ZNF444: variants seen among roughly 807,000 people sequenced by gnomAD.
The protein encoded by ZNF444 is zinc finger protein 444, also known as endothelial zinc finger protein 2.
A neutral mutation model predicts 14.4 loss-of-function variants in ZNF444; 8 were observed. That is an observed-to-expected ratio of 0.56 (90% CI 0.33 to 1.00). ZNF444 has a LOEUF of 1.00. Ranked by LOEUF, ZNF444 falls within the 50% of genes least tolerant of loss-of-function variation. The pLI is 0.03. For missense variants in ZNF444, 510 were observed against 504.8 expected (o/e 1.01, Z -0.10); for synonymous variants, 258 against 235.9 (o/e 1.09, Z -0.86).
rs1427489236 is a variant in ZNF444 at position 56,145,926 on chromosome 19, G to A, written c.-196-321G>A. ...GTGCTCCTGCTGGCAGAGATGGACA[G>A]AGTCCCGGTGTCCCTTTCTCTTATA... On this transcript the variant is annotated intron_variant, in intron 1 of 4. Transcript: ENST00000337080. The surrounding 1 kb of genome is among the most constrained non-coding windows in gnomAD (Gnocchi z 4.3). Among the ~76,000 whole-genome samples the A allele has an allele frequency of 6.6e-6, 1 of 152,242 alleles. No individual in the cohort carries two copies. The highest frequency in any genetic ancestry group is 2.4e-5 in the African/African-American group (1 of 41,472).
intron 1 of ZNF444, among the ~76,000 whole-genome samples, chr19:56,134,160 A>T (rs2030559528): frequency 6.6e-6 from 1 of 152,158 alleles, no homozygotes; most frequent in African/African-American, 2.4e-5. Context: ...GCCTCCAGAG[A>T]TGAACCAAAC....
At chr19:56,154,660 C>T (rs1374755817) in intron 3 of ZNF444, 1 of 149,600 alleles carries the variant, frequency 6.7e-6, no homozygotes, top group African/African-American at 2.5e-5. Context: ...TCTCATGGGA[C>T]CCTCAACAGA....
chr19:56,134,390 C>T (rs1413061201), intron 1 of ZNF444, among the ~76,000 whole-genome samples: 4 of 152,066 alleles, frequency 2.6e-5, no homozygotes, highest in African/African-American at 9.7e-5. Context: ...ACAGGCAGGC[C>T]CCAAGCCAGG....
Position 56,159,913 on chromosome 19 carries a change from C to T in ZNF444, c.696C>T (p.Ser232=), listed in dbSNP as rs1278461777. The change falls in exon 5 of 5, where the codon AGC becomes AGT. Residue 232 remains serine, a synonymous_variant. Coordinates refer to ENST00000337080, the MANE Select transcript of ZNF444 (RefSeq NM_018337.4). ...LRRHRDTHPG[S]PGSPGPALRP... is the part of the protein sequence containing the mutation. Reference sequence around the variant, plus strand: ...GCCACCGCGACACGCACCCCGGCAGCCCCGGCAGCCCCGGGCCCGCGCTGC... The same window carrying T: ...GCCACCGCGACACGCACCCCGGCAGTCCCGGCAGCCCCGGGCCCGCGCTGC... 1.3e-6 allele frequency: 2 copies of T among 1,491,214 alleles called. No homozygotes were observed. The highest frequency in any genetic ancestry group is 2.2e-5 in the Admixed American group (1 of 44,718). The allele number at this position is 1,491,214 out of a possible 1,614,324, so 92.4% of individuals were successfully genotyped here. A position where few individuals can be genotyped will look rare whatever the true frequency, so the allele number is the denominator to read the frequency against.
Position 56,147,361 on chromosome 19 carries a change from G to T in ZNF444, c.297+153G>T, listed in dbSNP as rs1315866606. 2.6e-5 allele frequency among the ~76,000 whole-genome samples: 4 copies of T among 152,128 alleles called. No individual in the cohort carries two copies. The highest frequency in any genetic ancestry group is 2.6e-4 in the Admixed American group (4 of 15,270). On this transcript the variant is annotated intron_variant, in intron 3 of 4. Transcript: ENST00000337080. This position sits in a 1 kb window ranked among gnomAD's most constrained non-coding sequence, Gnocchi z 5.9. ...TACAGGCTGCGGTACAGCGTGGAGG[G>T]ACAGTCCACGTGCGGCACCCTCCAT...
rs374446236 is a variant in ZNF444 at position 56,135,149 on chromosome 19, T to C, written c.-197+2371T>C. ...GGGAGGCTGAGGCAGGAGAATGGCA[T>C]GAACCCAGGAGGTGGAGCTTGCTGT... On this transcript the variant is annotated intron_variant, in intron 1 of 2. Coordinates refer to the ZNF444 transcript ENST00000587467. Among the ~76,000 whole-genome samples, 5 of 152,142 alleles carry C rather than the reference T, an allele frequency of 3.3e-5. No homozygotes were observed. The South Asian group carries it at 6.2e-4, about 19-fold the overall frequency.
At position 56,158,611 on chromosome 19, in the gene ZNF444, C is replaced by A; in HGVS notation, c.406+9C>A. The A allele has an allele frequency of 6.3e-7, 1 of 1,596,620 alleles. No individual in the cohort carries two copies. The highest frequency in any genetic ancestry group is 1.7e-5 in the Admixed American group (1 of 57,690). ...TGGGATGATTCCCTTAGGTGAGCTG[C>A]TGGCCTCTCTGGTTCTCCCCGCCAG... On this transcript the variant is annotated intron_variant, in intron 4 of 4. Coordinates refer to ENST00000337080, the MANE Select transcript of ZNF444 (RefSeq NM_018337.4).
chr19:56,157,724 C>T (rs1568563731), intron 3 of ZNF444: 1 of 152,230 alleles, frequency 6.6e-6, no homozygotes, highest in Non-Finnish European at 1.5e-5. Context: ...AATTTTCACA[C>T]CAGTGATTGC....
At chr19:56,159,337 T>C (rs552558931) in intron 4 of ZNF444, among the ~76,000 whole-genome samples, 3 of 150,782 alleles carry the variant, frequency 2.0e-5, no homozygotes, top group African/African-American at 7.3e-5. Context: ...CCATCATCGG[T>C]CCATTCATCA....
At chr19:56,158,348 G>C (rs2032033838) in intron 3 of ZNF444, 146 bp from the exon 4 acceptor site, 1 of 745,110 alleles carries the variant, frequency 1.3e-6, no homozygotes, top group Non-Finnish European at 2.1e-6. Context: ...GGGCCTCTCT[G>C]TGGGGCAGCT....
rs77358344 is a variant in ZNF444 at position 56,150,081 on chromosome 19, C to A, written c.297+2873C>A. The A allele has an allele frequency of 7.4e-3, 1,226 of 165,318 alleles. 9 individuals carry two copies. Among genetic ancestry groups the A allele is most frequent in the African/African-American group, 0.027 (1,116 of 41,638 alleles). 10.2% of individuals were successfully genotyped at this position (165,318 alleles called of 1,614,324 possible). On this transcript the variant is annotated intron_variant, in intron 3 of 4. Coordinates refer to ENST00000337080, the MANE Select transcript of ZNF444 (RefSeq NM_018337.4). ...TGAAGTGGGGGTGGAACAGAACCAA[C>A]GTGGAATCTGTGAGCCTCGGGGTTT...
At chr19:56,135,236 A>G (rs1347405472) in intron 1 of ZNF444, among the ~76,000 whole-genome samples, 1 of 152,128 alleles carries the variant, frequency 6.6e-6, no homozygotes, top group African/African-American at 2.4e-5. Flanking sequence ...GTCTCAAAAA[A>G]AAGAAAAAAA....
intron 4 of ZNF444, among the ~76,000 whole-genome samples, chr19:56,159,302 A>G (rs2032114766): frequency 6.6e-6 from 1 of 150,722 alleles, no homozygotes; most frequent in African/African-American, 2.5e-5. Flanking sequence ...TCATCTACCC[A>G]TCCATCATCT....
chr19:56,138,032 G>A (rs930228629), upstream of ZNF444, among the ~76,000 whole-genome samples: 5 of 151,938 alleles, frequency 3.3e-5, no homozygotes, highest in Non-Finnish European at 5.9e-5. Flanking sequence ...GCTGAGGTAG[G>A]AGAATCGCTT....
At chr19:56,148,958 G>C (rs1164831823) in intron 3 of ZNF444, among the ~76,000 whole-genome samples, 1 of 152,154 alleles carries the variant, frequency 6.6e-6, no homozygotes, top group African/African-American at 2.4e-5. Context: ...CCTAGAGGCT[G>C]CCCGCATTCC....
At position 56,135,929 on chromosome 19, in the gene ZNF444, A is replaced by G. The variant is rs151037585; in HGVS notation, c.-197+3151A>G. Among the ~76,000 whole-genome samples the G allele has an allele frequency of 2.9e-3, 433 of 151,326 alleles. 12 individuals carry two copies. The highest frequency in any genetic ancestry group is 0.025 in the Admixed American group (379 of 15,148). On this transcript the variant is annotated intron_variant, in intron 1 of 2. Coordinates refer to the ZNF444 transcript ENST00000587467. The stretch of plus-strand genomic sequence containing the variant: ...CCCCGTCTCTACTAAAAATACAAAA[A>G]ATATTAGCCGGGTGTGGTGGTGCGT...
At chr19:56,134,847 G>T (rs1225104182) in intron 1 of ZNF444, among the ~76,000 whole-genome samples, 7 of 152,036 alleles carry the variant, frequency 4.6e-5, no homozygotes, top group Admixed American at 4.6e-4. Context: ...TTTCAAGCTG[G>T]GTGTGGTAGC....
chr19:56,141,001 G>A (rs1335862953), upstream of ZNF444: 1 of 152,186 alleles, frequency 6.6e-6, no homozygotes, highest in Non-Finnish European at 1.5e-5. Context: ...GACAGCCCGC[G>A]ACATTTGCGC....
rs765486335 is a variant in ZNF444, at chr19:56,147,040, C to T, written c.129C>T (p.Ala43=). 4 of 1,545,448 alleles carry T rather than the reference C, an allele frequency of 2.6e-6. No individual in the cohort carries two copies. Among genetic ancestry groups the T allele is most frequent in the Admixed American group, 4.0e-5 (2 of 50,288 alleles). The part of the protein sequence containing the change: ...GPREALGLLR[A]LCRDWLRPEV... ...GGGAGGCGCTGGGGCTGCTCCGCGC[C>T]CTGTGCCGGGACTGGCTGCGGCCCG... Residue 43 remains alanine, a synonymous_variant, in exon 3 of 5, where the codon GCC becomes GCT. Transcript: ENST00000337080. The surrounding 1 kb of genome is among the most constrained non-coding windows in gnomAD (Gnocchi z 5.9).
Sources: gnomAD v4.1 joint callset for allele counts (sites outside exome capture counted in the v4.1 genomes callset) on GRCh38, gnomAD v4.1.1 for gene constraint, Gnocchi (gnomAD v3.1) non-coding constraint, MANE v1.5 for transcripts, NCBI Gene and HGNC (gene_info 2026-07-23, HGNC 2026-07-21) for gene names.